Variants in CTNND2 observed in about 807,000 individuals in gnomAD.
CTNND2 encodes the protein catenin delta 2.
A neutral mutation model predicts 144.4 loss-of-function variants in CTNND2; 22 were observed. That is an observed-to-expected ratio of 0.15 (90% CI 0.11 to 0.22). The LOEUF (loss-of-function observed/expected upper bound fraction) is 0.22. CTNND2 is among the 10% of genes least tolerant of loss of function. The pLI is 1.00. For synonymous variants in CTNND2, 751 were observed against 695.6 expected (o/e 1.08, Z -1.25); for missense variants, 1,353 against 1,618.8 (o/e 0.84, Z 2.82).
intron 1 of CTNND2, among the ~76,000 whole-genome samples, chr5:11,900,934 A>G (rs772493073): frequency 1.6e-4 from 24 of 152,230 alleles, no homozygotes; most frequent in Admixed American, 3.3e-4. Context: ...TGAGACTAGC[A>G]TCAAGGATTT....
intron 2 of CTNND2, among the ~76,000 whole-genome samples, chr5:11,584,714 CT>C (rs1286952493): frequency 6.6e-6 from 1 of 152,126 alleles, no homozygotes; most frequent in Non-Finnish European, 1.5e-5. Context: ...CACTTTTGCT[CT>C]GTTTTCTAGG....
At chr5:11,125,421 C>T (rs1754579713) in intron 12 of CTNND2, among the ~76,000 whole-genome samples, 1 of 152,268 alleles carries the variant, frequency 6.6e-6, no homozygotes, top group Non-Finnish European at 1.5e-5. Flanking sequence ...GTGCACATAG[C>T]TGCGCTACTT....
At chr5:11,039,336 T>C (rs993910626) in intron 16 of CTNND2, among the ~76,000 whole-genome samples, 2 of 152,234 alleles carry the variant, frequency 1.3e-5, no homozygotes, top group Admixed American at 6.5e-5. Flanking sequence ...ACGGCTGGTC[T>C]TAATTCTGGC....
At chr5:11,507,273 C>G (rs1401225610) in intron 3 of CTNND2, among the ~76,000 whole-genome samples, 2 of 152,110 alleles carry the variant, frequency 1.3e-5, no homozygotes, top group Admixed American at 6.5e-5. Flanking sequence ...AGAATCAAGT[C>G]CAGGCTTCTA....
At chr5:10,990,839 C>G (rs2149497825) in intron 19 of CTNND2, among the ~76,000 whole-genome samples, 1 of 152,210 alleles carries the variant, frequency 6.6e-6, no homozygotes, top group East Asian at 1.9e-4. Flanking sequence ...TGGTTGAACA[C>G]AGCCCTGCCT....
At chr5:11,509,395 TATA>T (rs1342971832) in intron 3 of CTNND2, among the ~76,000 whole-genome samples, 5 of 152,342 alleles carry the variant, frequency 3.3e-5, no homozygotes, top group African/African-American at 1.2e-4. Flanking sequence ...TAGGATGTTT[TATA>T]ATGTTTATCC....
chr5:11,643,920 CATTT>C (rs1782207004), intron 2 of CTNND2, among the ~76,000 whole-genome samples: 1 of 151,872 alleles, frequency 6.6e-6, no homozygotes, highest in Non-Finnish European at 1.5e-5. Flanking sequence ...TACTATTATT[CATTT>C]GACTTCATAT....
intron 14 of CTNND2, among the ~76,000 whole-genome samples, chr5:11,104,983 G>A (rs1272186111): frequency 1.3e-5 from 2 of 152,224 alleles, no homozygotes; most frequent in Non-Finnish European, 2.9e-5. Flanking sequence ...CCTCAGGAGT[G>A]AAGCTGGTGA....
intron 3 of CTNND2, among the ~76,000 whole-genome samples, chr5:11,507,182 C>A (rs26163): frequency 6.6e-6 from 1 of 151,916 alleles, no homozygotes; most frequent in African/African-American, 2.4e-5. Flanking sequence ...TCCAAATACA[C>A]CCTTAGTATG....
intron 16 of CTNND2, among the ~76,000 whole-genome samples, chr5:11,080,087 G>T (rs1230670094): frequency 6.6e-6 from 1 of 152,090 alleles, no homozygotes; most frequent in Non-Finnish European, 1.5e-5. Context: ...ATTATGGGTT[G>T]ATATCAAAAA....
At chr5:11,607,434 A>C (rs1462605361) in intron 2 of CTNND2, among the ~76,000 whole-genome samples, 2 of 152,222 alleles carry the variant, frequency 1.3e-5, no homozygotes, top group African/African-American at 4.8e-5. Context: ...ATGGCAAGAA[A>C]AAAATAATTT....
At chr5:11,064,165 G>A (rs111820457) in intron 16 of CTNND2, among the ~76,000 whole-genome samples, 3,054 of 152,252 alleles carry the variant, frequency 0.02, 50 homozygotes, top group Non-Finnish European at 0.032. Flanking sequence ...TGAAGGCAAG[G>A]TGTGTTCCCT....
chr5:11,616,463 T>C (rs570609709), intron 2 of CTNND2, among the ~76,000 whole-genome samples: 25 of 152,186 alleles, frequency 1.6e-4, no homozygotes, highest in Non-Finnish European at 3.1e-4. Context: ...TTAATGTGGT[T>C]CACATACTTT....
At chr5:11,030,248 C>T (rs370988054) in intron 16 of CTNND2, among the ~76,000 whole-genome samples, 3 of 152,112 alleles carry the variant, frequency 2.0e-5, no homozygotes, top group Non-Finnish European at 2.9e-5. Flanking sequence ...CTATTTGAAT[C>T]TCATTGAGTC....
chr5:11,318,935 T>C (rs1751767880), intron 9 of CTNND2, among the ~76,000 whole-genome samples: 1 of 151,478 alleles, frequency 6.6e-6, no homozygotes, highest in Non-Finnish European at 1.5e-5. Flanking sequence ...AATAATAATA[T>C]ATATATTAAT....
At chr5:11,213,019 A>G (rs1481214737) in intron 10 of CTNND2, among the ~76,000 whole-genome samples, 1 of 152,264 alleles carries the variant, frequency 6.6e-6, no homozygotes, top group Non-Finnish European at 1.5e-5. Context: ...ATTATCCATC[A>G]TGTAAAAGTG....
chr5:11,487,563 T>G (rs1462799452), intron 3 of CTNND2, among the ~76,000 whole-genome samples: 1 of 152,096 alleles, frequency 6.6e-6, no homozygotes, highest in Non-Finnish European at 1.5e-5. Flanking sequence ...GCAGTCAGAG[T>G]GCAGTGTGCT....
chr5:11,015,466 G>A (rs1741512888), intron 18 of CTNND2, among the ~76,000 whole-genome samples: 1 of 152,140 alleles, frequency 6.6e-6, no homozygotes, highest in Non-Finnish European at 1.5e-5. Context: ...CTCTTCAAAT[G>A]AAACATATTT....
At chr5:11,771,003 T>C (rs1359960978) in intron 1 of CTNND2, among the ~76,000 whole-genome samples, 1 of 152,082 alleles carries the variant, frequency 6.6e-6, no homozygotes, top group Non-Finnish European at 1.5e-5. Flanking sequence ...CAAAATCACT[T>C]CTTTTCTTTA....
Sources: gnomAD v4.1 joint callset for allele counts (sites outside exome capture counted in the v4.1 genomes callset) on GRCh38, gnomAD v4.1.1 for gene constraint, MANE v1.5 for transcripts, NCBI Gene and HGNC (gene_info 2026-07-23, HGNC 2026-07-21) for gene names.